Variants in L1CAM observed in about 807,000 individuals in gnomAD.
L1CAM encodes the protein neural cell adhesion molecule L1.
Under a neutral mutation model 93.0 loss-of-function variants are expected in L1CAM, and 8 were observed. The ratio of observed to expected loss-of-function variants is 0.09; its 90% CI spans 0.05 to 0.16. The LOEUF is 0.16. L1CAM is among the 10% of genes least tolerant of loss of function. L1CAM has a pLI of 1.00. For synonymous variants in L1CAM, 453 were observed against 453.0 expected (o/e 1.00, Z 0.00); for missense variants, 777 against 1,073.4 (o/e 0.72, Z 3.86).
chrX:153,877,035 C>G (rs1328769481), intron 1 of L1CAM, among the ~76,000 whole-genome samples: 1 of 105,378 alleles, frequency 9.5e-6, no homozygotes, highest in Non-Finnish European at 1.9e-5. Flanking sequence ...AGGCCAGGCA[C>G]AGTGGCTCAT....
chrX:153,865,544 A>G lies in L1CAM; in HGVS notation c.2548-44T>C, dbSNP rs186822178. Reference sequence around the variant, plus strand: ...GACCTCGCAGGGGCAGAAGGCACCCAGCAGGGCCCCCAGCGCACACCCCCA... The same window carrying G: ...GACCTCGCAGGGGCAGAAGGCACCCGGCAGGGCCCCCAGCGCACACCCCCA... On this transcript the variant is annotated intron_variant, in intron 20 of 28. Coordinates refer to ENST00000370060, the MANE Select transcript of L1CAM (RefSeq NM_001278116.2). 10 of 1,138,869 alleles carry G rather than the reference A, an allele frequency of 8.8e-6. No homozygotes were observed. In the East Asian group the frequency reaches 2.1e-4, roughly 24 times the overall value. The allele number at this position is 1,138,869 out of a possible 1,213,427, so 93.9% of individuals were successfully genotyped here.
intron 1 of L1CAM, among the ~76,000 whole-genome samples, chrX:153,879,223 G>T (rs1325931583): frequency 9.0e-6 from 1 of 111,024 alleles, no homozygotes; most frequent in African/African-American, 3.3e-5. Context: ...GAAGAGGCAG[G>T]GGGGAGCAGG....
chrX:153,877,582 G>A (rs1557094945), intron 1 of L1CAM, among the ~76,000 whole-genome samples: 2 of 111,735 alleles, frequency 1.8e-5, no homozygotes, highest in Non-Finnish European at 1.9e-5. Context: ...AGCCAAGATC[G>A]CACCATTGCA....
chrX:153,874,862 C>A (rs886581458), intron 2 of L1CAM, among the ~76,000 whole-genome samples: 2 of 111,964 alleles, frequency 1.8e-5, no homozygotes, highest in Admixed American at 1.9e-4. Context: ...GTAACACCCC[C>A]CACACGCAAG....
intron 1 of L1CAM, chrX:153,883,695 C>A (rs1183884116): frequency 3.0e-6 from 1 of 328,548 alleles, no homozygotes; most frequent in Non-Finnish European, 6.2e-6. Flanking sequence ...CTCATGCCCC[C>A]ACTCATGCCT....
intron 6 of L1CAM, 30 bp downstream of exon 6, chrX:153,871,027 C>T: frequency 1.7e-6 from 2 of 1,211,242 alleles, no homozygotes; most frequent in Non-Finnish European, 2.2e-6. Context: ...ACACCCCGAC[C>T]CCACGAGGCA....
intron 1 of L1CAM, among the ~76,000 whole-genome samples, chrX:153,880,097 C>T (rs183994758): frequency 1.2e-4 from 14 of 112,006 alleles, no homozygotes; most frequent in African/African-American, 4.5e-4. Context: ...CACCTGGCCT[C>T]CCACTACACC....
chrX:153,866,636 GC>G lies in L1CAM; in HGVS notation c.2431+12del. 1 of 1,189,930 alleles carries G rather than the reference GC, an allele frequency of 8.4e-7. No individual in the cohort carries two copies. The highest frequency in any genetic ancestry group is 1.8e-5 in the South Asian group (1 of 56,339). On this transcript the variant is annotated intron_variant, in intron 19 of 28. Transcript: ENST00000370060. ...AGCTCAACCGTGGGCGAGGGGCCCT[GC>G]CGGATACTCACAGTCCTCTCCAGAG...
chrX:153,869,816 C>T lies in L1CAM; in HGVS notation c.1110G>A (p.Gly370=). ...GGCCCTGCTCACCCTCCACAGGGAT[C>T]CCGTTGATTCTCCAGGTGACCTCTG... ...PQPEVTWRIN[G]IPVEELAKDQ... is the part of the protein sequence containing the mutation. The change falls in exon 10 of 29, where the codon GGG becomes GGA. Residue 370 remains glycine, a synonymous_variant. Transcript: ENST00000370060. The T allele has an allele frequency of 8.3e-7, 1 of 1,211,139 alleles. No homozygotes were observed. The highest frequency in any genetic ancestry group is 1.1e-6 in the Non-Finnish European group (1 of 895,216).
Position 153,870,980 on chromosome X carries a change from C to T in L1CAM, c.524-20G>A, listed in dbSNP as rs188071191. 9.4e-5 allele frequency: 114 copies of T among 1,208,728 alleles called. No homozygotes were observed. The highest frequency in any genetic ancestry group is 1.2e-4 in the Non-Finnish European group (109 of 894,865). ...AGATCTCTGCAGGGGGCAAGGAGGC[C>T]GAAGTCATGACCCCGTCCAGGAAGA... On this transcript the variant is annotated intron_variant, in intron 6 of 28. Transcript: ENST00000370060.
intron 5 of L1CAM, among the ~76,000 whole-genome samples, chrX:153,871,425 T>C (rs890017316): frequency 1.8e-5 from 2 of 110,512 alleles, no homozygotes; most frequent in Non-Finnish European, 3.8e-5. Flanking sequence ...AGGGTTAACC[T>C]TCCACGGTTC....
chrX:153,880,124 A>G (rs2064836817), intron 1 of L1CAM, among the ~76,000 whole-genome samples: 1 of 111,680 alleles, frequency 9.0e-6, no homozygotes, highest in African/African-American at 3.3e-5. Flanking sequence ...TCCCTCAGGG[A>G]GTCCTCTGTC....
In L1CAM at chrX:153,867,471, A is replaced by G. The variant is rs1557091362; in HGVS notation, c.2022T>C (p.Ser674=). ...CATAGGGCGACAGCTTGAGGGTGGT[A>G]GAGGTCTGGTTCCCTGGAACCTTGC... ...SLGKVPGNQT[S]TTLKLSPYVH... is the part of the protein sequence containing the mutation. The change falls in exon 17 of 29, where the codon TCT becomes TCC. Residue 674 remains serine (S), a synonymous_variant. Coordinates refer to ENST00000370060, the MANE Select transcript of L1CAM (RefSeq NM_001278116.2). 6.6e-6 allele frequency: 8 copies of G among 1,209,695 alleles called. No individual in the cohort carries two copies. Among genetic ancestry groups the G allele is most frequent in the Non-Finnish European group, 9.0e-6 (8 of 893,281 alleles).
At chrX:153,863,696 C>G in intron 26 of L1CAM, 147 bp from the exon 27 acceptor site, 1 of 819,273 alleles carries the variant, frequency 1.2e-6, no homozygotes, top group South Asian at 2.2e-5. Flanking sequence ...CCCCTGCGGT[C>G]CAGCCACCAC....
intron 11 of L1CAM, 95 bp downstream of exon 11, chrX:153,869,425 C>T (rs1351874237): frequency 9.8e-7 from 1 of 1,020,449 alleles, no homozygotes; most frequent in Non-Finnish European, 1.4e-6. Context: ...AGGCCGAGGA[C>T]ACATCAGCTG....
At chrX:153,876,074 C>T in intron 1 of L1CAM, 130 bp from the exon 2 acceptor site, 1 of 449,420 alleles carries the variant, frequency 2.2e-6, no homozygotes, top group Non-Finnish European at 3.9e-6. Context: ...AGCTGGCCGG[C>T]TTCTCCAGCC....
chrX:153,883,851 C>T (rs1294034708), intron 1 of L1CAM: 1 of 342,087 alleles, frequency 2.9e-6, no homozygotes, highest in African/African-American at 2.6e-5. Flanking sequence ...CAGAAAAGCA[C>T]TCAGTGCAGC....
In L1CAM at chrX:153,872,021, G is replaced by A; in HGVS notation, c.400+131C>T. 5.7e-6 allele frequency: 3 copies of A among 526,304 alleles called. No individual in the cohort carries two copies. In the Admixed American group the frequency reaches 8.1e-5, roughly 14 times the overall value. 43.4% of individuals were successfully genotyped at this position (526,304 alleles called of 1,213,427 possible). ...AACAAGATGGGCCAGGGGAGAAGCT[G>A]GGGTGGGGTGGAGGGCTGGCAGGAC... On this transcript the variant is annotated intron_variant, in intron 5 of 28. Coordinates refer to ENST00000370060, the MANE Select transcript of L1CAM (RefSeq NM_001278116.2).
chrX:153,868,613 C>T lies in L1CAM; in HGVS notation c.1494G>A (p.Leu498=), dbSNP rs1484863682. ...QANDTGRYFC[L]AANDQNNVTI... ...TAACATTGTTTTGGTCATTGGCAGCCAGGCAGAAGTAGCGTCCGGTGTCAT... is the reference window on the plus strand; with the variant it reads ...TAACATTGTTTTGGTCATTGGCAGCTAGGCAGAAGTAGCGTCCGGTGTCAT... Residue 498 remains leucine (L), a synonymous_variant, in exon 13 of 29, where the codon CTG becomes CTA. Coordinates refer to ENST00000370060, the MANE Select transcript of L1CAM (RefSeq NM_001278116.2). 8.3e-7 allele frequency: 1 copy of T among 1,210,908 alleles called. No homozygotes were observed. The highest frequency in any genetic ancestry group is 1.7e-5 in the African/African-American group (1 of 57,456).
Sources: allele counts gnomAD v4.1 joint callset (sites outside exome capture counted in the v4.1 genomes callset), GRCh38; gene constraint gnomAD v4.1.1; transcripts MANE v1.5; gene names NCBI Gene and HGNC (gene_info 2026-07-23, HGNC 2026-07-21).